Variants in ASAP2 observed in about 807,000 individuals in gnomAD.
ASAP2 encodes the protein arf-GAP with SH3 domain, ANK repeat and PH domain-containing protein 2.
Under a neutral mutation model 131.4 loss-of-function variants are expected in ASAP2, and 45 were observed. That is an observed-to-expected ratio of 0.34 (90% CI 0.27 to 0.44). ASAP2 has a LOEUF of 0.44. ASAP2 is among the 20% of genes least tolerant of loss of function. ASAP2 has a pLI of 1.00. For missense variants in ASAP2, 1,011 were observed against 1,297.0 expected (o/e 0.78, Z 3.39); for synonymous variants, 510 against 503.0 (o/e 1.01, Z -0.19).
At chr2:9,350,236 G>T (rs1251209430) in intron 11 of ASAP2, among the ~76,000 whole-genome samples, 2 of 152,168 alleles carry the variant, frequency 1.3e-5, no homozygotes, top group Admixed American at 1.3e-4. Flanking sequence ...AGATGTGAAT[G>T]AAGTATGTTT....
chr2:9,325,206 G>A (rs946242212), intron 6 of ASAP2, among the ~76,000 whole-genome samples: 4 of 152,168 alleles, frequency 2.6e-5, no homozygotes, highest in African/African-American at 9.7e-5. Flanking sequence ...GTAAGAGGTT[G>A]CATTCTCAAA....
intron 20 of ASAP2, among the ~76,000 whole-genome samples, chr2:9,384,978 T>G (rs946728276): frequency 6.6e-6 from 1 of 152,228 alleles, no homozygotes; most frequent in Non-Finnish European, 1.5e-5. Context: ...AACCGAAGAC[T>G]GTAACAAGGG....
At chr2:9,264,190 C>CAAAAAAAAAAAAAAA (rs113543532) in intron 1 of ASAP2, among the ~76,000 whole-genome samples, 1 of 123,608 alleles carries the variant, frequency 8.1e-6, no homozygotes, top group Non-Finnish European at 1.7e-5. Context: ...GACCCTGTCT[C>CAAAAAAAAAAAAAAA]AAAAAAATAA....
At chr2:9,236,516 G>A (rs1019682673) in intron 1 of ASAP2, among the ~76,000 whole-genome samples, 1 of 152,110 alleles carries the variant, frequency 6.6e-6, no homozygotes. Context: ...AATTGTCTCT[G>A]TACTGATGTA....
In ASAP2 at chr2:9,347,982, C is replaced by CT. The variant is rs562156758; in HGVS notation, c.1024-2818dup. Among the ~76,000 whole-genome samples the CT allele has an allele frequency of 2.8e-4, 43 of 152,238 alleles. No individual in the cohort carries two copies. In the East Asian group the frequency reaches 6.4e-3, roughly 23 times the overall value. On this transcript the variant is annotated intron_variant, in intron 11 of 27. Transcript: ENST00000281419. ...ATGGCAAACTCTAAAGCTGTTGCAT[C>CT]TTTTTTTTACCATTCCTTCCCAAGT...
In ASAP2 at chr2:9,231,784, G is replaced by A. The variant is rs11676816; in HGVS notation, c.126+24554G>A. Among the ~76,000 whole-genome samples the A allele has an allele frequency of 3.3e-3, 504 of 152,224 alleles. 3 individuals carry two copies. The highest frequency in any genetic ancestry group is 0.012 in the African/African-American group (484 of 41,520). ...GAGACTCTCCTCTCTGTGCCGTCTCGCATGCCATCCTTGAGGTTTTAGCTC... is the reference window on the plus strand; with the variant it reads ...GAGACTCTCCTCTCTGTGCCGTCTCACATGCCATCCTTGAGGTTTTAGCTC... On this transcript the variant is annotated intron_variant, in intron 1 of 27. Transcript: ENST00000281419.
At chr2:9,228,123 C>T (rs1446584821) in intron 1 of ASAP2, among the ~76,000 whole-genome samples, 1 of 152,116 alleles carries the variant, frequency 6.6e-6, no homozygotes, top group Non-Finnish European at 1.5e-5. Context: ...TTTAAGAATT[C>T]TGGAATTTTA....
At chr2:9,221,917 C>T (rs1394008073) in intron 1 of ASAP2, among the ~76,000 whole-genome samples, 1 of 152,140 alleles carries the variant, frequency 6.6e-6, no homozygotes, top group Non-Finnish European at 1.5e-5. Context: ...CCTCAGCCTC[C>T]CGAGTAGCTG....
At chr2:9,214,777 T>TA (rs34474684) in intron 1 of ASAP2, among the ~76,000 whole-genome samples, 2,756 of 103,006 alleles carry the variant, frequency 0.027, 38 homozygotes, top group African/African-American at 0.05. Context: ...CCTGGACGTC[T>TA]AAAAAAAAAA....
chr2:9,361,971 C>CTGTG (rs763148263), intron 15 of ASAP2, among the ~76,000 whole-genome samples: 3 of 91,398 alleles, frequency 3.3e-5, no homozygotes, highest in African/African-American at 9.3e-5. Context: ...ATCTCTTTCT[C>CTGTG]TGCGTGTGTG....
chr2:9,312,932 G>A (rs1015609092), intron 3 of ASAP2, among the ~76,000 whole-genome samples: 2 of 152,086 alleles, frequency 1.3e-5, no homozygotes, highest in Non-Finnish European at 2.9e-5. Flanking sequence ...GGTGGCGTGT[G>A]CCTGTAATCC....
At chr2:9,317,240 C>T (rs544215629) in intron 3 of ASAP2, among the ~76,000 whole-genome samples, 1 of 148,904 alleles carries the variant, frequency 6.7e-6, no homozygotes, top group East Asian at 2.0e-4. Context: ...CACAACCACA[C>T]TCATACACAC....
rs1031792835 is a variant in ASAP2 at position 9,217,906 on chromosome 2, G to A, written c.126+10676G>A. On this transcript the variant is annotated intron_variant, in intron 1 of 27. Coordinates refer to ENST00000281419, the MANE Select transcript of ASAP2 (RefSeq NM_003887.3). The surrounding 1 kb of genome is among the most constrained non-coding windows in gnomAD (Gnocchi z 4.0). ...TGGGATTACAGGTGTGAGCCACCACGCCTGGCTTTTTTTTTTTTTTACATG... is the reference window on the plus strand; with the variant it reads ...TGGGATTACAGGTGTGAGCCACCACACCTGGCTTTTTTTTTTTTTTACATG... Among the ~76,000 whole-genome samples the A allele has an allele frequency of 8.2e-6, 1 of 121,452 alleles. No homozygotes were observed. The highest frequency in any genetic ancestry group is 3.8e-5 in the African/African-American group (1 of 26,138). The allele number at this position is 121,452 out of a possible 152,430, so 79.7% of individuals were successfully genotyped here. A position where few individuals can be genotyped will look rare whatever the true frequency, so the allele number is the denominator to read the frequency against.
chr2:9,334,414 C>G (rs1027108603), intron 7 of ASAP2, among the ~76,000 whole-genome samples: 1 of 152,100 alleles, frequency 6.6e-6, no homozygotes, highest in Non-Finnish European at 1.5e-5. Flanking sequence ...TCTTCAGTGT[C>G]TTCCACTTGC....
chr2:9,391,046 A>C lies in ASAP2; in HGVS notation c.2384-16A>C. The stretch of plus-strand genomic sequence containing the variant: ...TGTGTGCGTGCATGCGTCTGTGTGC[A>C]TGCGTGTGGGTTCAGTTCAGACAGC... On this transcript the variant is annotated splice_polypyrimidine_tract_variant and intron_variant, in intron 22 of 27. Coordinates refer to ENST00000281419, the MANE Select transcript of ASAP2 (RefSeq NM_003887.3). 1 of 1,614,178 alleles carries C rather than the reference A, an allele frequency of 6.2e-7. No homozygotes were observed. Among genetic ancestry groups the C allele is most frequent in the Non-Finnish European group, 8.5e-7 (1 of 1,180,040 alleles).
chr2:9,260,671 A>G (rs533698043), intron 1 of ASAP2, among the ~76,000 whole-genome samples: 11 of 152,020 alleles, frequency 7.2e-5, no homozygotes, highest in East Asian at 1.9e-4. Flanking sequence ...TCCCTTCCCT[A>G]TTCTGGGTTT....
intron 6 of ASAP2, among the ~76,000 whole-genome samples, chr2:9,326,120 C>T (rs1670459863): frequency 6.6e-6 from 1 of 152,178 alleles, no homozygotes; most frequent in Non-Finnish European, 1.5e-5. Flanking sequence ...GTGGCTCACA[C>T]CTGCAATCCC....
At chr2:9,279,502 G>A in intron 2 of ASAP2, 113 bp downstream of exon 2, 1 of 948,230 alleles carries the variant, frequency 1.1e-6, no homozygotes, top group Middle Eastern at 2.1e-4. Flanking sequence ...TCCTTTATCG[G>A]GGCATGCAGA....
chr2:9,393,229 TACTC>T lies in ASAP2; in HGVS notation c.2519-246_2519-243del, dbSNP rs370281578. Reference sequence around the variant, plus strand: ...CCCCAGGGAGTTCTAGCTGAGAAAATACTCACTCACAGGCTGATAGAAAAATTGT... The same window carrying T: ...CCCCAGGGAGTTCTAGCTGAGAAAATACTCACAGGCTGATAGAAAAATTGT... On this transcript the variant is annotated intron_variant, in intron 23 of 27. Transcript: ENST00000281419. Among the ~76,000 whole-genome samples the T allele has an allele frequency of 4.6e-3, 700 of 152,174 alleles. 5 individuals carry two copies. The highest frequency in any genetic ancestry group is 0.016 in the African/African-American group (654 of 41,506).
Sources: allele counts gnomAD v4.1 joint callset (sites outside exome capture counted in the v4.1 genomes callset), GRCh38; gene constraint gnomAD v4.1.1; non-coding constraint Gnocchi (gnomAD v3.1); transcripts MANE v1.5; gene names NCBI Gene and HGNC (gene_info 2026-07-23, HGNC 2026-07-21).